Variants in AXIN1 observed in about 807,000 individuals in gnomAD.
AXIN1 encodes axin 1, also known as axin-1.
Under a neutral mutation model 76.4 loss-of-function variants are expected in AXIN1, and 30 were observed. That is an observed-to-expected ratio of 0.39 (90% CI 0.29 to 0.53). The LOEUF is 0.53. AXIN1 is among the 20% of genes least tolerant of loss of function. The probability of loss-of-function intolerance (pLI) is 0.66; values close to 1 mark genes in which losing one functional copy is unlikely to be tolerated. For missense variants in AXIN1, 1,140 were observed against 1,198.8 expected (o/e 0.95, Z 0.72); for synonymous variants, 545 against 501.4 (o/e 1.09, Z -1.16).
Position 293,670 on chromosome 16 carries a change from C to A in AXIN1, c.2004G>T (p.Leu668Phe). The A allele has an allele frequency of 1.2e-6, 2 of 1,613,714 alleles. No homozygotes were observed. The highest frequency in any genetic ancestry group is 2.2e-5 in the South Asian group (2 of 91,078). ...GGCCGGCCCAGGGGTGCTCAAGGGA[C>A]AAGGGTCTGGAGTTCTCATGGGGCT... ...KPQPHENSRP[L>F]SLEHPWAGPQ... Residue 668 changes from leucine to phenylalanine, a missense_variant, in exon 8 of 11, where the codon TTG becomes TTT. Physicochemically the swap from Leu to Phe is conservative, Grantham distance 22. Coordinates refer to ENST00000262320, the MANE Select transcript of AXIN1 (RefSeq NM_003502.4). The surrounding 1 kb of genome is among the most constrained non-coding windows in gnomAD (Gnocchi z 4.6).
intron 3 of AXIN1, among the ~76,000 whole-genome samples, chr16:314,178 G>T (rs2053245853): frequency 6.6e-6 from 1 of 152,210 alleles, no homozygotes; most frequent in South Asian, 2.1e-4. Flanking sequence ...TCCTCATAGG[G>T]AGGTCCCAGC....
At chr16:329,379 G>C (rs60769452) in intron 2 of AXIN1, among the ~76,000 whole-genome samples, 1 of 151,740 alleles carries the variant, frequency 6.6e-6, no homozygotes, top group Non-Finnish European at 1.5e-5. Context: ...AATCTAGAGC[G>C]ATCTAGATAG....
At chr16:320,743 A>ATATATATATTTTTTTTTT (rs397722732) in intron 2 of AXIN1, among the ~76,000 whole-genome samples, 1 of 107,664 alleles carries the variant, frequency 9.3e-6, no homozygotes, top group African/African-American at 4.6e-5. Context: ...ATATATATAT[A>ATATATATATTTTTTTTTT]TTTTTTTTTT....
At chr16:337,956 A>T (rs1469373903) in intron 2 of AXIN1, among the ~76,000 whole-genome samples, 1 of 152,138 alleles carries the variant, frequency 6.6e-6, no homozygotes, top group Non-Finnish European at 1.5e-5. Flanking sequence ...CACCTTCTGG[A>T]GCTAATGGGT....
chr16:306,136 CACATGCGCAG>C (rs1208538165), intron 4 of AXIN1, among the ~76,000 whole-genome samples: 6 of 152,148 alleles, frequency 3.9e-5, no homozygotes, highest in African/African-American at 1.4e-4. Flanking sequence ...CACATGCCCA[CACATGCGCAG>C]GCACACACAC....
At chr16:339,195 T>TCA (rs2053864634) in intron 2 of AXIN1, among the ~76,000 whole-genome samples, 1 of 54,940 alleles carries the variant, frequency 1.8e-5, no homozygotes, top group Non-Finnish European at 3.4e-5. Context: ...CAGCCTGGTC[T>TCA]CAAAAAAAAA....
intron 5 of AXIN1, 34 bp downstream of exon 5, chr16:304,270 G>C (rs200997228): frequency 1.2e-6 from 2 of 1,602,452 alleles, no homozygotes; most frequent in Non-Finnish European, 1.7e-6. Context: ...GCACGACACC[G>C]ACGCGGAGCG....
At position 297,903 on chromosome 16, in the gene AXIN1, C is replaced by T. The variant is rs376143198; in HGVS notation, c.1603G>A (p.Val535Ile). The change falls in exon 6 of 11, where the codon GTC becomes ATC. Residue 535 changes from valine (V) to isoleucine (I), a missense_variant. Val to Ile is a conservative substitution (Grantham distance 29). Around this residue, in one of 3 missense-constraint regions of AXIN1, gnomAD observed 708 missense variants for 776.9 expected, o/e 0.91. Coordinates refer to ENST00000262320, the MANE Select transcript of AXIN1 (RefSeq NM_003502.4). ...GTGCTGTGGTGGACGTGGTGGTGGA[C>T]GTGTCGGTGGTGGTGCAGGCCGGCC... The part of the protein sequence containing the change: ...DAAGLHHHRH[V>I]HHHVHHSTAR... 1.2e-4 allele frequency: 188 copies of T among 1,594,132 alleles called. No homozygotes were observed. The highest frequency in any genetic ancestry group is 2.4e-4 in the African/African-American group (18 of 74,652).
chr16:341,402 C>A (rs2053917240), intron 2 of AXIN1, among the ~76,000 whole-genome samples: 2 of 152,262 alleles, frequency 1.3e-5, no homozygotes, highest in South Asian at 2.1e-4. Flanking sequence ...GGGCTTAGCA[C>A]CCGGGCCAGC....
In AXIN1 at chr16:343,929, G is replaced by A. The variant is rs563605291; in HGVS notation, c.878+2219C>T. Among the ~76,000 whole-genome samples, 363 of 151,396 alleles carry A rather than the reference G, an allele frequency of 2.4e-3. 2 individuals are homozygous for A. The highest frequency in any genetic ancestry group is 4.1e-3 in the Non-Finnish European group (276 of 67,882). ...GCAGGAGAATCACTTAAACCCAGGA[G>A]GCAGAAGTTGCAGTGAGCCGAGATA... is the stretch of plus-strand genomic sequence containing the variant. On this transcript the variant is annotated intron_variant, in intron 2 of 10. Transcript: ENST00000262320.
At position 314,674 on chromosome 16, in the gene AXIN1, G is replaced by A. The variant is rs2053260133; in HGVS notation, c.888C>T (p.Ser296=). The change falls in exon 3 of 11, where the codon TCC becomes TCT. Residue 296 remains serine (S), a synonymous_variant. Coordinates refer to ENST00000262320, the MANE Select transcript of AXIN1 (RefSeq NM_003502.4). ...AATAGGGGTTGACTGGCTCCCGCCA[G>A]GATCCATACCTGCAAACAGGCAAGC... is the stretch of plus-strand genomic sequence containing the variant. ...YSEGREFRYG[S]WREPVNPYYV... is the part of the protein sequence containing the mutation. 1 of 1,613,708 alleles carries A rather than the reference G, an allele frequency of 6.2e-7. No homozygotes were observed. The highest frequency in any genetic ancestry group is 8.5e-7 in the Non-Finnish European group (1 of 1,180,046).
chr16:302,888 AT>A (rs535265838), intron 5 of AXIN1, among the ~76,000 whole-genome samples: 5 of 151,060 alleles, frequency 3.3e-5, no homozygotes, highest in Non-Finnish European at 4.4e-5. Context: ...AAGCAAAGGC[AT>A]TTTTTTTTGG....
chr16:323,438 CAA>C (rs57234697), intron 2 of AXIN1, among the ~76,000 whole-genome samples: 5 of 77,494 alleles, frequency 6.5e-5, no homozygotes, highest in Non-Finnish European at 1.0e-4. Flanking sequence ...GACTCCGTCT[CAA>C]AAAAAAAAAA....
intron 2 of AXIN1, among the ~76,000 whole-genome samples, chr16:333,223 T>G (rs1474108287): frequency 1.5e-4 from 23 of 151,926 alleles, no homozygotes; most frequent in Middle Eastern, 3.4e-3. Context: ...TCCCAGCTAC[T>G]CAGGAGGCTG....
At position 288,073 on chromosome 16, in the gene AXIN1, C is replaced by T. The variant is rs45551435; in HGVS notation, c.*49G>A. ...AGGTCATCTGCCTGGCCGTGACACCCGTGCCCGCCAAGGGCCTCGCCTGGC... is the reference window on the plus strand; with the variant it reads ...AGGTCATCTGCCTGGCCGTGACACCTGTGCCCGCCAAGGGCCTCGCCTGGC... On this transcript the variant is annotated 3_prime_UTR_variant, in exon 11 of 11. Coordinates refer to ENST00000262320, the MANE Select transcript of AXIN1 (RefSeq NM_003502.4). 2,837 of 1,611,982 alleles carry T rather than the reference C, an allele frequency of 1.8e-3. 41 individuals are homozygous for T. In the African/African-American group the frequency reaches 0.031, roughly 18 times the overall value.
intron 2 of AXIN1, 137 bp from the exon 3 acceptor site, chr16:314,820 A>C (rs1340522038): frequency 7.7e-7 from 1 of 1,307,012 alleles, no homozygotes; most frequent in Non-Finnish European, 1.1e-6. Flanking sequence ...AGGAGCATGG[A>C]GAAAAGACCA....
intron 2 of AXIN1, among the ~76,000 whole-genome samples, chr16:335,429 C>T (rs377341965): frequency 9.2e-5 from 14 of 152,234 alleles, no homozygotes; most frequent in Middle Eastern, 3.4e-3. Context: ...GCACCCAGTA[C>T]CACGGCACAC....
chr16:295,844 G>A (rs1472683332), intron 7 of AXIN1, among the ~76,000 whole-genome samples: 1 of 152,126 alleles, frequency 6.6e-6, no homozygotes, highest in African/African-American at 2.4e-5. Context: ...GCTCACGCCT[G>A]TAATCCCAGC....
intron 8 of AXIN1, chr16:292,679 T>C (rs2052599224): frequency 6.6e-6 from 1 of 152,178 alleles, no homozygotes; most frequent in Non-Finnish European, 1.5e-5. Flanking sequence ...AAAGAGACAC[T>C]GATCTGTGGG....
Sources: gnomAD v4.1 joint callset for allele counts (sites outside exome capture counted in the v4.1 genomes callset) on GRCh38, gnomAD v4.1.1 for gene constraint, gnomAD v4.1.1 regional missense constraint, Gnocchi (gnomAD v3.1) non-coding constraint, MANE v1.5 for transcripts, NCBI Gene and HGNC (gene_info 2026-07-23, HGNC 2026-07-21) for gene names.